ADAP1: variants seen among roughly 807,000 people sequenced by gnomAD.
ADAP1 encodes ArfGAP with dual PH domains 1.
In ADAP1, 31 loss-of-function variants were observed where a neutral mutation model predicts 54.9. The observed-to-expected ratio is 0.56, with a 90% CI of 0.42 to 0.76. The LOEUF (loss-of-function observed/expected upper bound fraction) is 0.76, where lower values mean the gene tolerates loss of function less well. ADAP1 is among the 30% of genes least tolerant of loss of function. The pLI, the probability that ADAP1 is intolerant of heterozygous loss-of-function variation, is 0.00. For synonymous variants in ADAP1, 313 were observed against 202.6 expected, an observed-to-expected ratio of 1.55 and a Z score of -4.63; for missense variants, 535 against 512.4, an observed-to-expected ratio of 1.04 and a Z score of -0.42.
intron 1 of ADAP1, among the ~76,000 whole-genome samples, chr7:952,279 G>A (rs929996032): frequency 6.6e-6 from 1 of 152,202 alleles, no homozygotes; most frequent in Non-Finnish European, 1.5e-5. Flanking sequence ...GGTGGGGCCT[G>A]CTCAAGTCCA....
intron 8 of ADAP1, among the ~76,000 whole-genome samples, chr7:899,832 G>C (rs1844697992): frequency 6.6e-6 from 1 of 152,172 alleles, no homozygotes; most frequent in East Asian, 1.9e-4. Flanking sequence ...CTCAGGGAAT[G>C]GCAAGATGTG....
chr7:920,783 C>G lies in ADAP1; in HGVS notation c.306-733G>C, dbSNP rs767538097. On this transcript the variant is annotated intron_variant, in intron 3 of 10. Transcript: ENST00000265846. This position sits in a 1 kb window ranked among gnomAD's most constrained non-coding sequence, Gnocchi z 4.5. Reference sequence around the variant, plus strand: ...CGGCCTCCCCATCCACCGTGACTCACTCGAGTGAAGCCAATACCATTGCAG... The same window carrying G: ...CGGCCTCCCCATCCACCGTGACTCAGTCGAGTGAAGCCAATACCATTGCAG... The G allele has an allele frequency of 7.7e-6, 12 of 1,549,524 alleles. No individual in the cohort carries two copies. In the African/African-American group the frequency reaches 1.4e-4, roughly 18 times the overall value.
At chr7:900,315 CT>C in intron 7 of ADAP1, 151 bp from the exon 8 acceptor site, 1 of 1,039,706 alleles carries the variant, frequency 9.6e-7, no homozygotes, top group Non-Finnish European at 1.4e-6. Context: ...ATTTCTGCCT[CT>C]GCTTGCCACC....
chr7:908,095 G>C (rs1349381777), intron 4 of ADAP1, among the ~76,000 whole-genome samples: 1 of 152,172 alleles, frequency 6.6e-6, no homozygotes, highest in African/African-American at 2.4e-5. Flanking sequence ...TGTGGCCTGG[G>C]AGCCCCGGTC....
intron 4 of ADAP1, among the ~76,000 whole-genome samples, chr7:907,872 C>T (rs961820309): frequency 5.0e-4 from 76 of 151,882 alleles, no homozygotes; most frequent in Middle Eastern, 3.4e-3. Flanking sequence ...CCCCAGTGGG[C>T]GCCGCCTCTC....
At chr7:950,694 C>T (rs1053994653) in intron 1 of ADAP1, among the ~76,000 whole-genome samples, 1 of 150,148 alleles carries the variant, frequency 6.7e-6, no homozygotes, top group Admixed American at 6.6e-5. Context: ...CTGTCTCTAC[C>T]AAAAATACAA....
intron 3 of ADAP1, among the ~76,000 whole-genome samples, chr7:922,146 C>T (rs145656757): frequency 4.6e-5 from 7 of 152,218 alleles, no homozygotes; most frequent in Non-Finnish European, 8.8e-5. Context: ...CTGGAGGGGC[C>T]GCACTGACAC....
Position 904,254 on chromosome 7 carries a change from C to T in ADAP1, c.520G>A (p.Val174Met), listed in dbSNP as rs149515070. 8.4e-5 allele frequency: 134 copies of T among 1,600,192 alleles called. No individual in the cohort carries two copies. In the African/African-American group the frequency reaches 9.1e-4, roughly 11 times the overall value. ...GCGTTCAGGTGCTCGATCTTCATCA[C>T]GGCCTTGGGCTCCTTGGCCTGAGAA... ...NRNDAKEPKA[V>M]MKIEHLNATF... Residue 174 changes from valine (V) to methionine (M), a missense_variant, in exon 6 of 11, where the codon GTG becomes ATG. By Grantham distance (21) the Val-to-Met change is conservative. Coordinates refer to ENST00000265846, the MANE Select transcript of ADAP1 (RefSeq NM_006869.4).
At chr7:912,064 G>A (rs1003419824) in intron 4 of ADAP1, among the ~76,000 whole-genome samples, 2 of 152,176 alleles carry the variant, frequency 1.3e-5, no homozygotes, top group Non-Finnish European at 2.9e-5. Flanking sequence ...GGGAAACCGA[G>A]GCCCCAGACC....
chr7:954,168 TG>T (rs1370453029), intron 1 of ADAP1, among the ~76,000 whole-genome samples: 81 of 143,116 alleles, frequency 5.7e-4, no homozygotes, highest in African/African-American at 1.7e-3. Flanking sequence ...CCGGGGGTCC[TG>T]GGGGGGGCCC....
chr7:918,501 C>T (rs941779324), intron 4 of ADAP1, among the ~76,000 whole-genome samples: 2 of 152,184 alleles, frequency 1.3e-5, no homozygotes, highest in African/African-American at 4.8e-5. Context: ...GACACGGCTC[C>T]CGACCTCGTG....
At chr7:924,767 G>A (rs1006760693) in intron 3 of ADAP1, among the ~76,000 whole-genome samples, 4 of 152,016 alleles carry the variant, frequency 2.6e-5, no homozygotes, top group Admixed American at 6.6e-5. Flanking sequence ...CCCCGGTCCC[G>A]ACTCAGAACA....
intron 1 of ADAP1, among the ~76,000 whole-genome samples, chr7:951,391 C>T (rs746064258): frequency 2.0e-5 from 3 of 148,156 alleles, no homozygotes; most frequent in Non-Finnish European, 3.0e-5. Context: ...AAAAAAATAT[C>T]CAACCTAGTT....
intron 6 of ADAP1, chr7:901,117 ACTG>A: frequency 1.6e-5 from 7 of 448,752 alleles, no homozygotes; most frequent in South Asian, 1.1e-4. Flanking sequence ...AGAGAGCAAA[ACTG>A]CTCTCCAGGG....
At chr7:907,861 T>A (rs1169843181) in intron 4 of ADAP1, among the ~76,000 whole-genome samples, 1 of 151,892 alleles carries the variant, frequency 6.6e-6, no homozygotes, top group Non-Finnish European at 1.5e-5. Flanking sequence ...CTGCCAAGCA[T>A]CCCCAGTGGG....
At position 935,356 on chromosome 7, in the gene ADAP1, CG is replaced by C; in HGVS notation, c.213+18del. 1 of 1,550,856 alleles carries C rather than the reference CG, an allele frequency of 6.4e-7. No homozygotes were observed. Among genetic ancestry groups the C allele is most frequent in the Non-Finnish European group, 8.7e-7 (1 of 1,147,600 alleles). ...CACCCGGGGACTGCGCGGGTCCCCC[CG>C]CCCCTCCCCCTCCGTACCTCCACTT... On this transcript the variant is annotated intron_variant, in intron 2 of 10. Coordinates refer to ENST00000265846, the MANE Select transcript of ADAP1 (RefSeq NM_006869.4).
intron 4 of ADAP1, among the ~76,000 whole-genome samples, chr7:919,321 C>T (rs116742984): frequency 0.014 from 2,080 of 152,264 alleles, 38 homozygotes; most frequent in African/African-American, 0.047. Context: ...AATGGAAGTG[C>T]GTGGCCACCA....
chr7:942,452 A>G (rs1846972864), intron 1 of ADAP1, among the ~76,000 whole-genome samples: 2 of 74,014 alleles, frequency 2.7e-5, no homozygotes, highest in Non-Finnish European at 5.7e-5. Context: ...AGGAGGAGGA[A>G]GGGAGAGAGG....
intron 4 of ADAP1, among the ~76,000 whole-genome samples, chr7:905,845 G>GGAGAAA (rs1845237960): frequency 2.5e-5 from 1 of 39,712 alleles, no homozygotes; most frequent in Non-Finnish European, 5.4e-5. Context: ...GAAGGGAGAA[G>GGAGAAA]GGAGAAGGGA....
Sources: gnomAD v4.1 joint callset for allele counts (sites outside exome capture counted in the v4.1 genomes callset) on GRCh38, gnomAD v4.1.1 for gene constraint, Gnocchi (gnomAD v3.1) non-coding constraint, MANE v1.5 for transcripts, NCBI Gene and HGNC (gene_info 2026-07-23, HGNC 2026-07-21) for gene names.